The following HAS3 variants were observed in gnomAD, a reference collection of about 807,000 sequenced individuals.
HAS3 encodes the protein HA synthase 3.
In HAS3, 27 loss-of-function variants were observed where a neutral mutation model predicts 50.3. The observed-to-expected ratio is 0.54, with a 90% CI of 0.40 to 0.74. The LOEUF (loss-of-function observed/expected upper bound fraction) is 0.74. Among genes scored for constraint, HAS3 ranks in the 30% least tolerant of loss-of-function variants. The pLI, the probability that HAS3 is intolerant of heterozygous loss-of-function variation, is 0.00. For missense variants in HAS3, 517 were observed against 742.8 expected (o/e 0.70, Z 3.53); for synonymous variants, 339 against 310.9 (o/e 1.09, Z -0.95).
chr16:69,095,781 C>G, the HAS3 span, among the ~76,000 whole-genome samples: 2 of 152,078 alleles, frequency 1.3e-5, no homozygotes, highest in Non-Finnish European at 2.9e-5. Context: ...AACAAAGGCA[C>G]CGATGGGAAT....
At position 69,115,135 on chromosome 16, in the gene HAS3, G is replaced by C; in HGVS notation, c.1531G>C (p.Ala511Pro). The change falls in exon 4 of 4, where the codon GCC (alanine) becomes CCC (proline). Residue 511 changes from alanine to proline, a missense_variant. By Grantham distance (27) the Ala-to-Pro change is conservative. Transcript: ENST00000569188. Reference protein sequence around the residue: ...CQDLFSETELAFLVSGAILYG... With the variant: ...CQDLFSETELPFLVSGAILYG... ...GGACCTGTTCAGTGAGACAGAGCTA[G>C]CCTTCCTTGTCTCTGGGGCTATACT... 1.2e-6 allele frequency: 2 copies of C among 1,610,382 alleles called. No individual in the cohort carries two copies. The highest frequency in any genetic ancestry group is 1.7e-6 in the Non-Finnish European group (2 of 1,177,894).
chr16:69,088,936 TAAAAG>T, the HAS3 span, among the ~76,000 whole-genome samples: 1 of 151,568 alleles, frequency 6.6e-6, no homozygotes, highest in South Asian at 2.1e-4. Context: ...ATGGAAAAAA[TAAAAG>T]AAATGCATAT....
rs1028310603 is a variant in HAS3 at position 69,106,011 on chromosome 16, G to A, written c.-1+224G>A. Among the ~76,000 whole-genome samples, 1 of 152,210 alleles carries A rather than the reference G, an allele frequency of 6.6e-6. No individual in the cohort carries two copies. The highest frequency in any genetic ancestry group is 2.4e-5 in the African/African-American group (1 of 41,458). On this transcript the variant is annotated intron_variant, in intron 1 of 3. Transcript: ENST00000569188. This position sits in a 1 kb window ranked among gnomAD's most constrained non-coding sequence, Gnocchi z 5.5. Reference sequence around the variant, plus strand: ...GCTTCGGAGAGGGCGCAGGGGCTGCGAGTCTTGCGAGCCGGAGCCGCGTCC... The same window carrying A: ...GCTTCGGAGAGGGCGCAGGGGCTGCAAGTCTTGCGAGCCGGAGCCGCGTCC...
chr16:69,087,696 CTTTT>C, the HAS3 span, among the ~76,000 whole-genome samples: 6 of 82,616 alleles, frequency 7.3e-5, no homozygotes, highest in Admixed American at 1.5e-4. Context: ...CCGCACCCGG[CTTTT>C]TTTTTTTTTT....
chr16:69,099,009 C>A, the HAS3 span, among the ~76,000 whole-genome samples: 1 of 143,516 alleles, frequency 7.0e-6, no homozygotes, highest in African/African-American at 2.6e-5. Flanking sequence ...CTCGCCCTGT[C>A]GCCCAGGCTG....
At chr16:69,095,624 A>G in the HAS3 span, among the ~76,000 whole-genome samples, 1 of 152,140 alleles carries the variant, frequency 6.6e-6, no homozygotes, top group Non-Finnish European at 1.5e-5. Context: ...CAGGTTTTCA[A>G]AGTCTACTGT....
upstream of HAS3, among the ~76,000 whole-genome samples, chr16:69,103,948 T>G (rs1960723268): frequency 6.6e-6 from 1 of 152,182 alleles, no homozygotes; most frequent in East Asian, 1.9e-4. Flanking sequence ...AACCTAAGGC[T>G]TCTTCTCCAT....
At chr16:69,104,045 C>T (rs1452602219), upstream of HAS3, among the ~76,000 whole-genome samples, 3 of 152,136 alleles carry the variant, frequency 2.0e-5, no homozygotes, top group South Asian at 4.1e-4. Context: ...GATAGCATGC[C>T]TATAGGACTA....
At chr16:69,089,111 C>A in the HAS3 span, among the ~76,000 whole-genome samples, 1 of 152,086 alleles carries the variant, frequency 6.6e-6, no homozygotes, top group African/African-American at 2.4e-5. Context: ...GGAGAGCAAG[C>A]GTGTTGATCT....
At chr16:69,104,742 C>CCA (rs1217562745), upstream of HAS3, among the ~76,000 whole-genome samples, 10 of 152,118 alleles carry the variant, frequency 6.6e-5, no homozygotes, top group Non-Finnish European at 4.4e-5. Context: ...CTGTGCCTGG[C>CCA]CAATAATGTA....
the HAS3 span, among the ~76,000 whole-genome samples, chr16:69,092,605 A>T: frequency 6.6e-6 from 1 of 151,578 alleles, no homozygotes. Flanking sequence ...CGTCTCAAAA[A>T]AAAAAAAAAA....
the HAS3 span, among the ~76,000 whole-genome samples, chr16:69,087,515 T>C: frequency 2.6e-5 from 4 of 152,084 alleles, no homozygotes; most frequent in Non-Finnish European, 5.9e-5. Context: ...ATTTCCCATA[T>C]TTCCCAATCT....
chr16:69,083,635 GAGA>G, the HAS3 span: 5 of 1,567,768 alleles, frequency 3.2e-6, no homozygotes, highest in East Asian at 2.4e-5. Context: ...ACAGAAGCTG[GAGA>G]AGAAGATCAT....
In HAS3 at chr16:69,116,764, G is replaced by A; in HGVS notation, c.*1498G>A. The A allele has an allele frequency of 1.0e-6, 1 of 985,366 alleles. No homozygotes were observed. The highest frequency in any genetic ancestry group is 1.2e-6 in the Non-Finnish European group (1 of 829,894). The allele number at this position is 985,366 out of a possible 1,614,324, so 61.0% of individuals were successfully genotyped here. On this transcript the variant is annotated 3_prime_UTR_variant, in exon 4 of 4. Coordinates refer to ENST00000569188, the MANE Select transcript of HAS3 (RefSeq NM_001199280.2). Reference sequence around the variant, plus strand: ...TGACTTGCAATCCAGGCTGTTCTCAGCGTTTTGAGTTTAAAACCTGGGATC... The same window carrying A: ...TGACTTGCAATCCAGGCTGTTCTCAACGTTTTGAGTTTAAAACCTGGGATC...
At chr16:69,112,553 G>A (rs1961042038) in intron 2 of HAS3, among the ~76,000 whole-genome samples, 1 of 152,202 alleles carries the variant, frequency 6.6e-6, no homozygotes, top group Non-Finnish European at 1.5e-5. Flanking sequence ...TACAGAACAG[G>A]GTTTTGGTTT....
the HAS3 span, among the ~76,000 whole-genome samples, chr16:69,085,457 G>A: frequency 3.9e-5 from 6 of 152,036 alleles, no homozygotes; most frequent in South Asian, 1.0e-3. Context: ...TTTGAGGTGG[G>A]GTCTCACTAC....
Position 69,117,131 on chromosome 16 carries a change from TC to T in HAS3, c.*1867del. On this transcript the variant is annotated 3_prime_UTR_variant, in exon 4 of 4. Transcript: ENST00000569188. ...AGCAGGCATTTGCTAAGGCAGCTGA[TC>T]CAGGCAATCGTTCTGCTGGCCAAGA... The T allele has an allele frequency of 1.0e-6, 1 of 985,836 alleles. No homozygotes were observed. The highest frequency in any genetic ancestry group is 1.2e-6 in the Non-Finnish European group (1 of 829,928). 61.1% of individuals were successfully genotyped at this position (985,836 alleles called of 1,614,324 possible).
chr16:69,116,344 TG>T lies in HAS3; in HGVS notation c.*1081del, dbSNP rs535887841. On this transcript the variant is annotated 3_prime_UTR_variant, in exon 4 of 4. Coordinates refer to ENST00000569188, the MANE Select transcript of HAS3 (RefSeq NM_001199280.2). ...GAGGCAAGCGTGTTCTCAGCACATATGGGAACTATGAGGAGCCTCTGATCAA... is the reference window on the plus strand; with the variant it reads ...GAGGCAAGCGTGTTCTCAGCACATATGGAACTATGAGGAGCCTCTGATCAA... The T allele has an allele frequency of 1.1e-4, 110 of 985,872 alleles. 3 individuals carry two copies. The South Asian group carries it at 5.0e-3, about 45-fold the overall frequency. The allele number at this position is 985,872 out of a possible 1,614,324, so 61.1% of individuals were successfully genotyped here. A position where few individuals can be genotyped will look rare whatever the true frequency, so the allele number is the denominator to read the frequency against.
intron 3 of HAS3, 73 bp downstream of exon 3, chr16:69,113,615 G>A: frequency 1.1e-6 from 1 of 890,730 alleles, no homozygotes; most frequent in Non-Finnish European, 1.8e-6. Flanking sequence ...ATATGCCTGG[G>A]AAATGGGTGT....
Sources: allele counts gnomAD v4.1 joint callset (sites outside exome capture counted in the v4.1 genomes callset), GRCh38; gene constraint gnomAD v4.1.1; non-coding constraint Gnocchi (gnomAD v3.1); transcripts MANE v1.5; gene names NCBI Gene and HGNC (gene_info 2026-07-23, HGNC 2026-07-21).